Variants in DPP10 observed in about 807,000 individuals in gnomAD.
The protein encoded by DPP10 is dipeptidyl peptidase like 10.
DPP10 carries 33 observed loss-of-function variants against 120.9 expected under a neutral mutation model. That is an observed-to-expected ratio of 0.27 (90% confidence interval 0.21 to 0.37). The LOEUF (loss-of-function observed/expected upper bound fraction) is 0.37, where lower values mean the gene tolerates loss of function less well. Ranked by LOEUF, DPP10 falls within the 10% of genes least tolerant of loss-of-function variation. The pLI, the probability that DPP10 is intolerant of heterozygous loss-of-function variation, is 1.00. For synonymous variants in DPP10, 337 were observed against 326.1 expected, an observed-to-expected ratio of 1.03 and a Z score of -0.36; for missense variants, 816 against 942.8, an observed-to-expected ratio of 0.87 and a Z score of 1.76.
At chr2:114,686,128 G>T (rs1006523191) in intron 1 of DPP10, among the ~76,000 whole-genome samples, 5 of 151,848 alleles carry the variant, frequency 3.3e-5, no homozygotes, top group African/African-American at 7.3e-5. Context: ...TCTTCAGAAG[G>T]CAAGGTGATG....
At chr2:114,536,471 T>C (rs1307022258) in intron 1 of DPP10, among the ~76,000 whole-genome samples, 1 of 147,504 alleles carries the variant, frequency 6.8e-6, no homozygotes, top group Non-Finnish European at 1.5e-5. Context: ...AGTGGTGCCA[T>C]CTCAGCTCAC....
At chr2:115,290,215 A>G (rs1427269060) in intron 1 of DPP10, among the ~76,000 whole-genome samples, 1 of 152,168 alleles carries the variant, frequency 6.6e-6, no homozygotes, top group African/African-American at 2.4e-5. Flanking sequence ...TTTTAAAATT[A>G]TAACAAAAGA....
intron 11 of DPP10, among the ~76,000 whole-genome samples, chr2:115,757,272 C>T (rs1446488): frequency 0.085 from 12,928 of 151,748 alleles, 606 homozygotes; most frequent in South Asian, 0.13. Flanking sequence ...CTCATTAACA[C>T]GTGTAATAGT....
chr2:114,867,434 A>G (rs1690327511), intron 1 of DPP10, among the ~76,000 whole-genome samples: 1 of 152,158 alleles, frequency 6.6e-6, no homozygotes, highest in South Asian at 2.1e-4. Flanking sequence ...AGTAACACCA[A>G]TACTAGTTAT....
At position 115,406,871 on chromosome 2, in the gene DPP10, G is replaced by C. The variant is rs548370853; in HGVS notation, c.271+62959G>C. Among the ~76,000 whole-genome samples, 3 of 152,186 alleles carry C rather than the reference G, an allele frequency of 2.0e-5. No homozygotes were observed. In the South Asian group the frequency reaches 6.2e-4, roughly 32 times the overall value. ...TTCAACACCCTTTTCTTAATTGATAGAGAAAGAACAGACTAAATAAGTAAA... is the reference window on the plus strand; with the variant it reads ...TTCAACACCCTTTTCTTAATTGATACAGAAAGAACAGACTAAATAAGTAAA... On this transcript the variant is annotated intron_variant, in intron 3 of 25. Coordinates refer to ENST00000410059, the MANE Select transcript of DPP10 (RefSeq NM_020868.6).
chr2:114,672,170 A>C (rs1030437363), intron 1 of DPP10, among the ~76,000 whole-genome samples: 1 of 152,210 alleles, frequency 6.6e-6, no homozygotes, highest in African/African-American at 2.4e-5. Context: ...AAATTACTAA[A>C]GCCAGGGCCC....
At chr2:115,727,274 TG>T (rs61648098) in intron 7 of DPP10, among the ~76,000 whole-genome samples, 54,506 of 151,928 alleles carry the variant, frequency 0.36, 11,592 homozygotes, top group East Asian at 0.65. Context: ...CTGGAAGCTG[TG>T]TTCCACTTAT....
At chr2:114,733,811 C>T (rs1025082556) in intron 1 of DPP10, among the ~76,000 whole-genome samples, 2 of 152,070 alleles carry the variant, frequency 1.3e-5, no homozygotes, top group African/African-American at 4.8e-5. Flanking sequence ...GAGAAAGATC[C>T]AGATGTTTCT....
chr2:114,796,536 G>T (rs570819716), intron 1 of DPP10, among the ~76,000 whole-genome samples: 1 of 151,912 alleles, frequency 6.6e-6, no homozygotes. Context: ...AAGGCTTTTG[G>T]TCAACAGTAT....
At chr2:115,523,223 G>C (rs2077922088) in intron 4 of DPP10, among the ~76,000 whole-genome samples, 1 of 151,992 alleles carries the variant, frequency 6.6e-6, no homozygotes, top group Non-Finnish European at 1.5e-5. Flanking sequence ...TAAAGTGCCA[G>C]ACTGGGTAAT....
Position 115,305,895 on chromosome 2 carries a change from G to A in DPP10, c.61-3344G>A, listed in dbSNP as rs540596254. On this transcript the variant is annotated intron_variant, in intron 1 of 25. Coordinates refer to ENST00000410059, the MANE Select transcript of DPP10 (RefSeq NM_020868.6). ...TACCATTCACCATCATCATTATGAC[G>A]ATGATGATGTCATTCATTCATGACA... is the stretch of plus-strand genomic sequence containing the variant. Among the ~76,000 whole-genome samples the A allele has an allele frequency of 5.9e-5, 9 of 152,014 alleles. No homozygotes were observed. In the East Asian group the frequency reaches 1.6e-3, roughly 26 times the overall value.
chr2:115,723,766 T>C (rs2149621504), intron 7 of DPP10, among the ~76,000 whole-genome samples: 1 of 152,292 alleles, frequency 6.6e-6, no homozygotes, highest in Middle Eastern at 3.4e-3. Context: ...AGGACAGTTT[T>C]CACTGCATCC....
At chr2:115,421,515 A>G (rs1158931035) in intron 3 of DPP10, among the ~76,000 whole-genome samples, 1 of 152,168 alleles carries the variant, frequency 6.6e-6, no homozygotes, top group Non-Finnish European at 1.5e-5. Context: ...GGAAAATAGT[A>G]TAAAAACAGG....
intron 1 of DPP10, among the ~76,000 whole-genome samples, chr2:115,012,225 G>A (rs940481115): frequency 2.0e-5 from 3 of 152,034 alleles, no homozygotes; most frequent in Admixed American, 2.0e-4. Flanking sequence ...GAAGACAAAG[G>A]TCATAATCCC....
chr2:114,709,326 C>G (rs748434773), intron 1 of DPP10, among the ~76,000 whole-genome samples: 12 of 152,316 alleles, frequency 7.9e-5, no homozygotes, highest in Middle Eastern at 3.4e-3. Context: ...CTCTCTCTCT[C>G]CAGCCTAGGT....
At chr2:114,639,723 A>G (rs1260780877) in intron 1 of DPP10, among the ~76,000 whole-genome samples, 1 of 151,956 alleles carries the variant, frequency 6.6e-6, no homozygotes, top group Non-Finnish European at 1.5e-5. Flanking sequence ...TTTCAAGTTT[A>G]AGGCCTTTAT....
chr2:115,834,246 A>G (rs1220463517), intron 21 of DPP10, among the ~76,000 whole-genome samples: 1 of 152,212 alleles, frequency 6.6e-6, no homozygotes, highest in African/African-American at 2.4e-5. Context: ...ATACACATAA[A>G]TGAAATTCTT....
chr2:114,701,792 C>T (rs923505489), intron 1 of DPP10, among the ~76,000 whole-genome samples: 31 of 152,018 alleles, frequency 2.0e-4, no homozygotes, highest in Non-Finnish European at 4.1e-4. Flanking sequence ...CTTGTGGGGA[C>T]TTATAACACT....
At chr2:115,758,874 C>A (rs930283714) in intron 11 of DPP10, among the ~76,000 whole-genome samples, 1 of 151,866 alleles carries the variant, frequency 6.6e-6, no homozygotes, top group Non-Finnish European at 1.5e-5. Context: ...ATTGGCATCC[C>A]GATTGGATAA....
Sources: allele counts gnomAD v4.1 joint callset (sites outside exome capture counted in the v4.1 genomes callset), GRCh38; gene constraint gnomAD v4.1.1; transcripts MANE v1.5; gene names NCBI Gene and HGNC (gene_info 2026-07-23, HGNC 2026-07-21).